The following UBAP1 variants were observed in gnomAD, a reference collection of about 807,000 sequenced individuals.
UBAP1 encodes the protein ubiquitin-associated protein 1.
In UBAP1, 5 loss-of-function variants were observed where a neutral mutation model predicts 39.0. The ratio of observed to expected loss-of-function variants is 0.13; its 90% CI spans 0.07 to 0.27. The LOEUF is 0.27. Ranked by LOEUF, UBAP1 falls within the 10% of genes least tolerant of loss-of-function variation. UBAP1 has a pLI of 1.00. For synonymous variants in UBAP1, 211 were observed against 225.1 expected (o/e 0.94, Z 0.56); for missense variants, 490 against 608.1 (o/e 0.81, Z 2.04).
intron 2 of UBAP1, among the ~76,000 whole-genome samples, chr9:34,229,235 ATC>A (rs1392303616): frequency 6.6e-6 from 1 of 151,498 alleles, no homozygotes; most frequent in East Asian, 1.9e-4. Flanking sequence ...AGGCAAGGAG[ATC>A]ACTTCTCTTA....
chr9:34,228,194 G>A (rs964804601), intron 2 of UBAP1, among the ~76,000 whole-genome samples: 3 of 151,906 alleles, frequency 2.0e-5, no homozygotes, highest in East Asian at 1.9e-4. Context: ...CGAGGTGGGC[G>A]GATCATGAGG....
chr9:34,213,288 A>T (rs1832115685), intron 1 of UBAP1, among the ~76,000 whole-genome samples: 1 of 152,152 alleles, frequency 6.6e-6, no homozygotes, highest in Non-Finnish European at 1.5e-5. Context: ...AGGCAGGTGG[A>T]TTACCTGAGG....
At chr9:34,193,282 G>A (rs1159925575) in intron 1 of UBAP1, among the ~76,000 whole-genome samples, 4 of 152,198 alleles carry the variant, frequency 2.6e-5, no homozygotes, top group East Asian at 1.9e-4. Context: ...CTGCGCTCCC[G>A]CCTGGGTGAC....
chr9:34,187,638 G>T (rs1396488373), intron 1 of UBAP1, among the ~76,000 whole-genome samples: 1 of 151,936 alleles, frequency 6.6e-6, no homozygotes, highest in African/African-American at 2.4e-5. Context: ...AGTTTTTACA[G>T]TGTTGGGCTT....
intron 2 of UBAP1, among the ~76,000 whole-genome samples, chr9:34,230,582 A>G (rs890173549): frequency 5.9e-5 from 9 of 152,190 alleles, no homozygotes; most frequent in African/African-American, 1.7e-4. Flanking sequence ...TTTCAAAGAA[A>G]ACAGACAAAA....
At chr9:34,181,345 T>C (rs1411833209) in intron 1 of UBAP1, among the ~76,000 whole-genome samples, 1 of 149,578 alleles carries the variant, frequency 6.7e-6, no homozygotes, top group African/African-American at 2.5e-5. Flanking sequence ...GTCCATCTGC[T>C]GACCTCGTGA....
At chr9:34,230,492 T>C (rs1399718090) in intron 2 of UBAP1, among the ~76,000 whole-genome samples, 1 of 152,228 alleles carries the variant, frequency 6.6e-6, no homozygotes, top group Non-Finnish European at 1.5e-5. Context: ...TGATTCTTAG[T>C]GCCAAAGTTT....
intron 1 of UBAP1, among the ~76,000 whole-genome samples, chr9:34,216,515 G>T (rs577736926): frequency 1.3e-5 from 2 of 151,684 alleles, no homozygotes; most frequent in African/African-American, 4.8e-5. Context: ...TTTAGAGCTG[G>T]GGTCTCACTC....
chr9:34,201,883 C>A (rs1289973284), intron 1 of UBAP1, among the ~76,000 whole-genome samples: 2 of 152,134 alleles, frequency 1.3e-5, no homozygotes, highest in African/African-American at 4.8e-5. Context: ...TCGGTCCTCT[C>A]TTTAGGTTTA....
At chr9:34,188,762 G>A (rs1830554310) in intron 1 of UBAP1, among the ~76,000 whole-genome samples, 1 of 152,008 alleles carries the variant, frequency 6.6e-6, no homozygotes, top group South Asian at 2.1e-4. Context: ...TTCGAGACCA[G>A]CCTGGCCAAC....
chr9:34,182,653 T>C (rs187069446), intron 1 of UBAP1, among the ~76,000 whole-genome samples: 267 of 63,940 alleles, frequency 4.2e-3, no homozygotes, highest in South Asian at 0.014. Flanking sequence ...CTTTCTTTCT[T>C]TCTTTCTTTC....
intron 1 of UBAP1, among the ~76,000 whole-genome samples, chr9:34,215,715 G>A (rs955939832): frequency 2.6e-5 from 4 of 151,796 alleles, no homozygotes; most frequent in Admixed American, 2.6e-4. Context: ...AAAAAGTATA[G>A]GAAGTTATTG....
chr9:34,236,859 A>G (rs1263778299), intron 3 of UBAP1, among the ~76,000 whole-genome samples: 1 of 152,070 alleles, frequency 6.6e-6, no homozygotes, highest in Non-Finnish European at 1.5e-5. Flanking sequence ...CTTATTGAGT[A>G]TAGTCTAGAC....
At chr9:34,189,397 T>C (rs1830594028) in intron 1 of UBAP1, among the ~76,000 whole-genome samples, 1 of 151,704 alleles carries the variant, frequency 6.6e-6, no homozygotes, top group South Asian at 2.1e-4. Flanking sequence ...CCATGTTGGC[T>C]AGGCTGGTCG....
At chr9:34,227,248 A>G (rs1833154467) in intron 2 of UBAP1, among the ~76,000 whole-genome samples, 1 of 152,012 alleles carries the variant, frequency 6.6e-6, no homozygotes, top group African/African-American at 2.4e-5. Context: ...TTGTATATTT[A>G]TGATTTTGCC....
At chr9:34,234,574 A>G (rs913674328) in intron 3 of UBAP1, among the ~76,000 whole-genome samples, 1 of 152,076 alleles carries the variant, frequency 6.6e-6, no homozygotes, top group Non-Finnish European at 1.5e-5. Flanking sequence ...TGAGCTCAGG[A>G]GTTTGAGACC....
intron 1 of UBAP1, among the ~76,000 whole-genome samples, chr9:34,199,829 C>T (rs971525921): frequency 2.2e-5 from 3 of 135,726 alleles, no homozygotes; most frequent in South Asian, 2.4e-4. Context: ...TTTGTAGAGA[C>T]TGGGTTTCAC....
At chr9:34,210,553 T>C (rs536340635) in intron 1 of UBAP1, among the ~76,000 whole-genome samples, 1 of 149,888 alleles carries the variant, frequency 6.7e-6, no homozygotes, top group African/African-American at 2.4e-5. Flanking sequence ...AACCCATCTC[T>C]ACTAAATACA....
chr9:34,202,624 CGTGTGTGTGTGTGTGTGTGTGTGT>C (rs56012034), intron 1 of UBAP1, among the ~76,000 whole-genome samples: 20 of 107,364 alleles, frequency 1.9e-4, no homozygotes, highest in South Asian at 6.2e-4. Context: ...TAGACAGAAA[CGTGTGTGTGTGTGTGTGTGTGTGT>C]GTGTGTGTGT....
Sources: gnomAD v4.1 joint callset for allele counts (sites outside exome capture counted in the v4.1 genomes callset) on GRCh38, gnomAD v4.1.1 for gene constraint, MANE v1.5 for transcripts, NCBI Gene and HGNC (gene_info 2026-07-23, HGNC 2026-07-21) for gene names.